RASA3: variants seen among roughly 807,000 people sequenced by gnomAD.
RASA3 encodes ras GTPase-activating protein 3.
A neutral mutation model predicts 110.0 loss-of-function variants in RASA3; 73 were observed. The observed-to-expected ratio is 0.66, with a 90% CI of 0.55 to 0.81. RASA3 has a LOEUF of 0.81. Among genes scored for constraint, RASA3 ranks in the 30% least tolerant of loss-of-function variants. The pLI is 0.00. For missense variants in RASA3, 976 were observed against 1,113.2 expected (o/e 0.88, Z 1.75); for synonymous variants, 500 against 451.4 (o/e 1.11, Z -1.37).
At chr13:114,074,611 G>A (rs1419986925) in intron 1 of RASA3, among the ~76,000 whole-genome samples, 1 of 152,248 alleles carries the variant, frequency 6.6e-6, no homozygotes, top group Non-Finnish European at 1.5e-5. Flanking sequence ...GTGGACGTGA[G>A]TTAACTGTAA....
intron 1 of RASA3, among the ~76,000 whole-genome samples, chr13:114,101,932 A>G (rs1191449575): frequency 2.0e-5 from 3 of 152,168 alleles, no homozygotes; most frequent in Admixed American, 1.3e-4. Flanking sequence ...TGGCATAAAG[A>G]CAGACGGGGC....
chr13:113,983,380 C>T lies in RASA3; in HGVS notation c.2246-1522G>A, dbSNP rs116034278. Among the ~76,000 whole-genome samples the T allele has an allele frequency of 2.3e-3, 293 of 129,234 alleles. 18 individuals carry two copies. The highest frequency in any genetic ancestry group is 0.014 in the Middle Eastern group (4 of 280). The allele number at this position is 129,234 out of a possible 152,430, so 84.8% of individuals were successfully genotyped here. On this transcript the variant is annotated intron_variant, in intron 22 of 23. Coordinates refer to ENST00000334062, the MANE Select transcript of RASA3 (RefSeq NM_007368.4). ...GGAGGGTGGAACTCGCGAGTGATGA[C>T]ATCAGACACGTAATTGAGGAGATTT...
At chr13:114,007,964 G>T (rs61971857) in intron 17 of RASA3, among the ~76,000 whole-genome samples, 36,499 of 89,188 alleles carry the variant, frequency 0.41, 7,131 homozygotes, top group African/African-American at 0.6. Context: ...GGGGCCTGGA[G>T]GTTGCCCCCA....
chr13:114,022,617 T>G (rs1490668979), intron 8 of RASA3, among the ~76,000 whole-genome samples: 3 of 152,186 alleles, frequency 2.0e-5, no homozygotes, highest in Admixed American at 6.5e-5. Flanking sequence ...CGGGGAGGGC[T>G]GACAGGCTGC....
chr13:114,018,852 G>A lies in RASA3; in HGVS notation c.853C>T (p.Leu285=), dbSNP rs753409115. The A allele has an allele frequency of 1.2e-6, 2 of 1,613,948 alleles. No individual in the cohort carries two copies. Among genetic ancestry groups the A allele is most frequent in the Admixed American group, 1.7e-5 (1 of 60,026 alleles). ...LKPDDLGSLR[L]NVVYTEDHVF... ...TGGTCTTCCGTGTATACCACGTTCA[G>A]CCGCAGGGAGCCCAGGTCGTCTGGC... Residue 285 remains leucine (L), a synonymous_variant, in exon 10 of 24, where the codon CTG becomes TTG. Coordinates refer to ENST00000334062, the MANE Select transcript of RASA3 (RefSeq NM_007368.4).
At chr13:113,990,144 C>T (rs144348512) in intron 22 of RASA3, among the ~76,000 whole-genome samples, 4 of 152,300 alleles carry the variant, frequency 2.6e-5, no homozygotes, top group East Asian at 1.9e-4. Context: ...CCACCATGAT[C>T]GAAAGTTTCC....
chr13:114,058,936 G>A (rs1025224013), intron 2 of RASA3, among the ~76,000 whole-genome samples: 2 of 152,168 alleles, frequency 1.3e-5, no homozygotes, highest in African/African-American at 4.8e-5. Context: ...AGTGGCTCAC[G>A]CCTGTAATCC....
In RASA3 at chr13:114,114,824, G is replaced by A. The variant is rs1221593775; in HGVS notation, c.55+17611C>T. On this transcript the variant is annotated intron_variant, in intron 1 of 23. Transcript: ENST00000334062. This position sits in a 1 kb window ranked among gnomAD's most constrained non-coding sequence, Gnocchi z 4.8. ...CCCTCATGTGCAGGGACAGGGCAGAGTCGTGACCAACAGTGGAAAGACCCA... is the reference window on the plus strand; with the variant it reads ...CCCTCATGTGCAGGGACAGGGCAGAATCGTGACCAACAGTGGAAAGACCCA... Among the ~76,000 whole-genome samples the A allele has an allele frequency of 6.6e-6, 1 of 152,212 alleles. No individual in the cohort carries two copies. Among genetic ancestry groups the A allele is most frequent in the Non-Finnish European group, 1.5e-5 (1 of 68,040 alleles).
intron 1 of RASA3, among the ~76,000 whole-genome samples, chr13:114,088,968 T>G (rs1331520118): frequency 1.3e-5 from 2 of 152,088 alleles, no homozygotes; most frequent in African/African-American, 4.8e-5. Flanking sequence ...GATTAAAAAC[T>G]CCACCATATA....
intron 22 of RASA3, 116 bp from the exon 23 acceptor site, chr13:113,981,974 C>T: frequency 1.1e-6 from 1 of 933,092 alleles, no homozygotes; most frequent in Non-Finnish European, 1.6e-6. Flanking sequence ...ACGCAAGCTC[C>T]TCCAGAAAGG....
At chr13:114,040,624 A>C (rs1216528863) in intron 4 of RASA3, among the ~76,000 whole-genome samples, 1 of 139,876 alleles carries the variant, frequency 7.1e-6, no homozygotes, top group Non-Finnish European at 1.5e-5. Flanking sequence ...AAGCGGGCGA[A>C]CACGCACAAC....
At chr13:114,062,388 G>T (rs964271403) in intron 2 of RASA3, among the ~76,000 whole-genome samples, 1 of 152,128 alleles carries the variant, frequency 6.6e-6, no homozygotes, top group Non-Finnish European at 1.5e-5. Context: ...AGTAACAAGG[G>T]TAGGGAGGTG....
At chr13:114,072,937 C>T (rs1372969431) in intron 2 of RASA3, among the ~76,000 whole-genome samples, 1 of 137,278 alleles carries the variant, frequency 7.3e-6, no homozygotes, top group Non-Finnish European at 1.5e-5. Context: ...ACATTCTCTA[C>T]ACATGGGAAA....
At chr13:114,020,342 C>G (rs552800531) in intron 9 of RASA3, among the ~76,000 whole-genome samples, 98 of 152,312 alleles carry the variant, frequency 6.4e-4, no homozygotes, top group African/African-American at 2.3e-3. Flanking sequence ...AGCCTGTGTG[C>G]GAGGCATTAG....
At chr13:114,025,274 C>T (rs1232238322) in intron 7 of RASA3, among the ~76,000 whole-genome samples, 1 of 152,256 alleles carries the variant, frequency 6.6e-6, no homozygotes, top group East Asian at 1.9e-4. Context: ...AGGTGAAGAT[C>T]ACGCAGGGGC....
At chr13:114,069,017 C>T (rs1475976740) in intron 2 of RASA3, among the ~76,000 whole-genome samples, 1 of 152,210 alleles carries the variant, frequency 6.6e-6, no homozygotes, top group Non-Finnish European at 1.5e-5. Flanking sequence ...AAAGAGGCCC[C>T]ACAGACTCCA....
Position 114,124,091 on chromosome 13 carries a change from G to A in RASA3, c.55+8344C>T, listed in dbSNP as rs79797301. ...CCAGAAGCCCGGCACGGTGTCTCTC[G>A]GGACCCAGGACACGCAGGTCAGCGC... On this transcript the variant is annotated intron_variant, in intron 1 of 23. Transcript: ENST00000334062. Among the ~76,000 whole-genome samples the A allele has an allele frequency of 4.6e-3, 703 of 152,250 alleles. 6 individuals are homozygous for A. Among genetic ancestry groups the A allele is most frequent in the African/African-American group, 0.016 (651 of 41,530 alleles).
chr13:114,018,639 G>A (rs892851627), intron 10 of RASA3, 124 bp downstream of exon 10: 13 of 1,233,374 alleles, frequency 1.1e-5, no homozygotes, highest in South Asian at 2.9e-5. Flanking sequence ...AGGCCAGGCT[G>A]GGAGGCGTGG....
intron 1 of RASA3, among the ~76,000 whole-genome samples, chr13:114,100,071 G>A (rs1416490280): frequency 6.6e-6 from 1 of 150,616 alleles, no homozygotes; most frequent in African/African-American, 2.4e-5. Flanking sequence ...GTCTGCTCTG[G>A]AAGAGCGGCA....
Sources: allele counts gnomAD v4.1 joint callset (sites outside exome capture counted in the v4.1 genomes callset), GRCh38; gene constraint gnomAD v4.1.1; non-coding constraint Gnocchi (gnomAD v3.1); transcripts MANE v1.5; gene names NCBI Gene and HGNC (gene_info 2026-07-23, HGNC 2026-07-21).